Variants in TUSC3 observed in about 807,000 individuals in gnomAD.
TUSC3 encodes the protein tumor suppressor candidate 3.
Under a neutral mutation model 44.8 loss-of-function variants are expected in TUSC3, and 45 were observed. The observed-to-expected ratio is 1.00, with a 90% CI of 0.79 to 1.29. TUSC3 has a LOEUF of 1.29. Among genes scored for constraint, TUSC3 ranks in the 50% most tolerant of loss-of-function variants. The pLI, the probability that TUSC3 is intolerant of heterozygous loss-of-function variation, is 0.00. For missense variants in TUSC3, 519 were observed against 437.9 expected, an observed-to-expected ratio of 1.19 and a Z score of -1.65; for synonymous variants, 212 against 152.9, an observed-to-expected ratio of 1.39 and a Z score of -2.85.
intron 6 of TUSC3, among the ~76,000 whole-genome samples, chr8:15,720,745 G>C (rs943597342): frequency 7.2e-5 from 11 of 152,048 alleles, no homozygotes; most frequent in African/African-American, 2.7e-4. Flanking sequence ...GTAAATTAAA[G>C]CTATCTGAAG....
At chr8:15,764,108 A>T (rs570814867) in intron 10 of TUSC3, 95 bp from the exon 11 acceptor site, 20 of 1,224,398 alleles carry the variant, frequency 1.6e-5, no homozygotes, top group Middle Eastern at 2.7e-4. Flanking sequence ...TTTTAATGTT[A>T]TATTTACATG....
chr8:15,588,929 C>G (rs1295976769), intron 1 of TUSC3, among the ~76,000 whole-genome samples: 1 of 152,118 alleles, frequency 6.6e-6, no homozygotes, highest in Non-Finnish European at 1.5e-5. Flanking sequence ...TGTGTTTGTA[C>G]TAGCACCATG....
chr8:15,441,952 G>A (rs199949061), intron 1 of TUSC3, among the ~76,000 whole-genome samples: 5 of 151,968 alleles, frequency 3.3e-5, no homozygotes, highest in Non-Finnish European at 5.9e-5. Flanking sequence ...ACTCCTATCC[G>A]GTCTCATTCC....
chr8:15,609,548 T>G (rs1011777683), intron 1 of TUSC3, among the ~76,000 whole-genome samples: 9 of 152,120 alleles, frequency 5.9e-5, no homozygotes, highest in African/African-American at 2.2e-4. Flanking sequence ...AGAAAAATGG[T>G]GACAGAAGCT....
At chr8:15,508,176 G>C (rs926332054) in intron 2 of TUSC3, among the ~76,000 whole-genome samples, 12 of 152,108 alleles carry the variant, frequency 7.9e-5, no homozygotes, top group African/African-American at 2.2e-4. Flanking sequence ...GGAGGCAGAG[G>C]TTGCAGTGAG....
intron 1 of TUSC3, among the ~76,000 whole-genome samples, chr8:15,480,466 G>A (rs571811985): frequency 6.6e-6 from 1 of 152,160 alleles, no homozygotes; most frequent in Non-Finnish European, 1.5e-5. Context: ...TTTCTCACAG[G>A]CCAGAAGTCC....
At chr8:15,580,533 C>A in intron 1 of TUSC3, among the ~76,000 whole-genome samples, 2 of 67,608 alleles carry the variant, frequency 3.0e-5, no homozygotes, top group Admixed American at 1.7e-4. Context: ...AATCTCTCAG[C>A]ATTTGCTTGT....
chr8:15,541,719 G>T (rs1801698050), intron 1 of TUSC3, among the ~76,000 whole-genome samples: 1 of 152,038 alleles, frequency 6.6e-6, no homozygotes, highest in Non-Finnish European at 1.5e-5. Context: ...CTGTTAAACT[G>T]AAATTGTATT....
At chr8:15,824,410 C>G in the TUSC3 span, among the ~76,000 whole-genome samples, 1 of 152,106 alleles carries the variant, frequency 6.6e-6, no homozygotes, top group Non-Finnish European at 1.5e-5. Flanking sequence ...TGCTAGGACT[C>G]TTAAAAATCT....
the TUSC3 span, among the ~76,000 whole-genome samples, chr8:15,843,621 T>TATATATATATATATAC: frequency 2.7e-4 from 40 of 146,766 alleles, no homozygotes; most frequent in African/African-American, 1.1e-3. Flanking sequence ...TATATATATA[T>TATATATATATATATAC]ACACGCACAT....
At chr8:15,789,685 A>G in the TUSC3 span, among the ~76,000 whole-genome samples, 15,462 of 152,262 alleles carry the variant, frequency 0.1, 1,076 homozygotes, top group African/African-American at 0.19. Context: ...TGCAATGAAC[A>G]AAACTTAAAA....
At chr8:15,429,913 G>C (rs902941893) in intron 1 of TUSC3, among the ~76,000 whole-genome samples, 2 of 151,390 alleles carry the variant, frequency 1.3e-5, no homozygotes, top group African/African-American at 2.4e-5. Flanking sequence ...CACATACACC[G>C]TCCCAAGACT....
At chr8:15,775,617 T>C in the TUSC3 span, among the ~76,000 whole-genome samples, 3 of 131,584 alleles carry the variant, frequency 2.3e-5, no homozygotes, top group African/African-American at 8.7e-5. Flanking sequence ...TGTATGTACA[T>C]ATATATATAC....
chr8:15,697,380 G>T (rs893814619), intron 6 of TUSC3, among the ~76,000 whole-genome samples: 2 of 152,072 alleles, frequency 1.3e-5, no homozygotes, highest in African/African-American at 2.4e-5. Flanking sequence ...TAGATGGTCT[G>T]TTTATGCTCA....
At chr8:15,465,542 T>C (rs1717957222) in intron 1 of TUSC3, among the ~76,000 whole-genome samples, 1 of 152,204 alleles carries the variant, frequency 6.6e-6, no homozygotes, top group African/African-American at 2.4e-5. Flanking sequence ...AAATGCTTTT[T>C]AAAAATACAC....
At chr8:15,809,098 C>T in the TUSC3 span, among the ~76,000 whole-genome samples, 1 of 152,078 alleles carries the variant, frequency 6.6e-6, no homozygotes, top group Non-Finnish European at 1.5e-5. Context: ...GGCACACTAT[C>T]ATGCTAAAGT....
At chr8:15,531,480 G>C (rs76604411) in intron 2 of TUSC3, among the ~76,000 whole-genome samples, 1 of 152,178 alleles carries the variant, frequency 6.6e-6, no homozygotes, top group African/African-American at 2.4e-5. Flanking sequence ...TCGAACTCCT[G>C]ACCTCAGGTG....
intron 2 of TUSC3, among the ~76,000 whole-genome samples, chr8:15,525,795 A>G (rs992014908): frequency 6.6e-6 from 1 of 152,174 alleles, no homozygotes; most frequent in African/African-American, 2.4e-5. Flanking sequence ...GAAGCCAGCA[A>G]CAGCAGAGAC....
intron 6 of TUSC3, among the ~76,000 whole-genome samples, chr8:15,674,086 A>G (rs1049356319): frequency 1.3e-5 from 2 of 151,976 alleles, no homozygotes; most frequent in Non-Finnish European, 2.9e-5. Flanking sequence ...TCAAATATAC[A>G]TGCATTCACT....
Sources: allele counts gnomAD v4.1 joint callset (sites outside exome capture counted in the v4.1 genomes callset), GRCh38; gene constraint gnomAD v4.1.1; transcripts MANE v1.5; gene names NCBI Gene and HGNC (gene_info 2026-07-23, HGNC 2026-07-21).